GLDC: variants seen among roughly 807,000 people sequenced by gnomAD.
GLDC encodes glycine dehydrogenase (decarboxylating), mitochondrial.
A neutral mutation model predicts 121.3 loss-of-function variants in GLDC; 104 were observed. That is an observed-to-expected ratio of 0.86 (90% CI 0.73 to 1.01). The LOEUF is 1.01. Ranked by LOEUF, GLDC falls within the 50% of genes least tolerant of loss-of-function variation. GLDC has a pLI of 0.00. For synonymous variants in GLDC, 546 were observed against 480.6 expected (o/e 1.14, Z -1.78); for missense variants, 1,429 against 1,306.6 (o/e 1.09, Z -1.44).
At chr9:6,637,334 G>A (rs751708770) in intron 2 of GLDC, among the ~76,000 whole-genome samples, 29 of 151,786 alleles carry the variant, frequency 1.9e-4, no homozygotes, top group Non-Finnish European at 4.0e-4. Flanking sequence ...GAACCCCGGA[G>A]GCAGAGGTTG....
intron 21 of GLDC, among the ~76,000 whole-genome samples, chr9:6,543,153 T>C (rs1470889942): frequency 6.6e-6 from 1 of 151,948 alleles, no homozygotes; most frequent in Non-Finnish European, 1.5e-5. Flanking sequence ...CAGACATCTG[T>C]AGTTCCAGCT....
Position 6,553,517 on chromosome 9 carries a change from T to TG in GLDC, c.2316-9_2316-8insC. ...GGGGCGAGATGTTTCTTCCTGTATT[T>TG]TTTTTAAGTGCAAATTCAGAAAATG... On this transcript the variant is annotated splice_polypyrimidine_tract_variant and intron_variant, in intron 19 of 24. Transcript: ENST00000321612. 6.2e-7 allele frequency: 1 copy of TG among 1,613,666 alleles called. No homozygotes were observed. The highest frequency in any genetic ancestry group is 8.5e-7 in the Non-Finnish European group (1 of 1,179,682).
At position 6,620,220 on chromosome 9, in the gene GLDC, T is replaced by C; in HGVS notation, c.434A>G (p.Gln145Arg). 1 of 1,613,700 alleles carries C rather than the reference T, an allele frequency of 6.2e-7. No individual in the cohort carries two copies. Among genetic ancestry groups the C allele is most frequent in the South Asian group, 1.1e-5 (1 of 91,062 alleles). ...GMGYYNCSVP[Q>R]TILRNLLENS... ...CTCCAGTAAGTTCCGCAAAATCGTC[T>C]GTGGCACTGAGCAGTTATAATAGCC... Residue 145 changes from glutamine (Q) to arginine (R), a missense_variant, in exon 3 of 25, where the codon CAG becomes CGG. Transcript: ENST00000321612.
At chr9:6,593,464 A>G (rs1818421119) in intron 9 of GLDC, among the ~76,000 whole-genome samples, 1 of 151,194 alleles carries the variant, frequency 6.6e-6, no homozygotes, top group African/African-American at 2.4e-5. Flanking sequence ...ACACCTGGCT[A>G]ATAATTTTTT....
chr9:6,622,585 C>G (rs897659160), intron 2 of GLDC, among the ~76,000 whole-genome samples: 7 of 152,246 alleles, frequency 4.6e-5, no homozygotes, highest in East Asian at 1.9e-4. Flanking sequence ...GTGATCTCGG[C>G]TCGCTACAAC....
rs566435024 is a variant in GLDC at position 6,622,939 on chromosome 9, G to A, written c.335-2620C>T. Reference sequence around the variant, plus strand: ...AGCACCTCTGCCTGGCCGCGACCCCGTCTGGGAGGTGAGGAACGTCTCCGC... The same window carrying A: ...AGCACCTCTGCCTGGCCGCGACCCCATCTGGGAGGTGAGGAACGTCTCCGC... On this transcript the variant is annotated intron_variant, in intron 2 of 24. Transcript: ENST00000321612. 118 of 203,698 alleles carry A rather than the reference G, an allele frequency of 5.8e-4. 1 individual carries two copies. Among genetic ancestry groups the A allele is most frequent in the Non-Finnish European group, 5.3e-4 (53 of 100,436 alleles). 12.6% of individuals were successfully genotyped at this position (203,698 alleles called of 1,614,324 possible).
In GLDC at chr9:6,536,171, C is replaced by G. The variant is rs1390157911; in HGVS notation, c.2731G>C (p.Glu911Gln). The change falls in exon 23 of 25, where the codon GAG becomes CAG. Residue 911 changes from glutamate (E) to glutamine (Q), a missense_variant. By Grantham distance (29) the Glu-to-Gln change is conservative. Coordinates refer to ENST00000321612, the MANE Select transcript of GLDC (RefSeq NM_000170.3). ...AATCTGTCCAGCTCTGCCTTGTCCT[C>G]CGACTCAGTGGGCTCCACCATGAGG... is the stretch of plus-strand genomic sequence containing the variant. ...GTLMVEPTES[E>Q]DKAELDRFCD... The G allele has an allele frequency of 1.2e-6, 2 of 1,614,018 alleles. No individual in the cohort carries two copies. Among genetic ancestry groups the G allele is most frequent in the African/African-American group, 2.7e-5 (2 of 74,946 alleles).
chr9:6,558,095 T>C, intron 17 of GLDC: 1 of 241,074 alleles, frequency 4.1e-6, no homozygotes, highest in Admixed American at 5.0e-5. Flanking sequence ...AACTTCTTCC[T>C]GGAGGTTGGG....
Position 6,582,761 on chromosome 9 carries a change from G to A in GLDC, c.1850+4380C>T, listed in dbSNP as rs565015202. 1.3e-3 allele frequency among the ~76,000 whole-genome samples: 198 copies of A among 151,470 alleles called. 1 individual carries two copies. Among genetic ancestry groups the A allele is most frequent in the Non-Finnish European group, 3.5e-4 (24 of 67,900 alleles). ...GGAGAATGGCGTGAACCCGGGAGGC[G>A]ATCGTTGCAGTGAGCCGATATCGCG... On this transcript the variant is annotated intron_variant, in intron 15 of 24. Coordinates refer to ENST00000321612, the MANE Select transcript of GLDC (RefSeq NM_000170.3).
intron 16 of GLDC, among the ~76,000 whole-genome samples, chr9:6,562,986 C>A (rs996691811): frequency 2.3e-4 from 35 of 152,326 alleles, no homozygotes; most frequent in Non-Finnish European, 4.7e-4. Flanking sequence ...AAGCACAGCA[C>A]CCAGCCCCTC....
At chr9:6,618,370 C>T (rs143145415) in intron 3 of GLDC, among the ~76,000 whole-genome samples, 158 of 152,234 alleles carry the variant, frequency 1.0e-3, no homozygotes, top group African/African-American at 3.6e-3. Flanking sequence ...TGCAATGCTG[C>T]GATCTTGGCT....
At chr9:6,622,559 G>A (rs1453073605) in intron 2 of GLDC, among the ~76,000 whole-genome samples, 5 of 152,150 alleles carry the variant, frequency 3.3e-5, no homozygotes, top group African/African-American at 1.2e-4. Context: ...TGGTGCCCAG[G>A]CTGGAGTGCA....
intron 15 of GLDC, among the ~76,000 whole-genome samples, chr9:6,578,240 C>T (rs1818110874): frequency 6.6e-6 from 1 of 151,854 alleles, no homozygotes; most frequent in Non-Finnish European, 1.5e-5. Flanking sequence ...CCACTTCAGC[C>T]TCCCAAGCAG....
At chr9:6,582,595 C>G (rs1326818885) in intron 15 of GLDC, among the ~76,000 whole-genome samples, 1 of 151,526 alleles carries the variant, frequency 6.6e-6, no homozygotes, top group Admixed American at 6.6e-5. Flanking sequence ...TTTGAGAGGC[C>G]GAGGCGGGTG....
chr9:6,618,777 C>T (rs1819016692), intron 3 of GLDC, among the ~76,000 whole-genome samples: 2 of 151,978 alleles, frequency 1.3e-5, no homozygotes, highest in Admixed American at 6.6e-5. Flanking sequence ...CACACACACA[C>T]ACCACACAAT....
intron 15 of GLDC, among the ~76,000 whole-genome samples, chr9:6,575,052 C>G (rs1047536132): frequency 6.6e-6 from 1 of 151,950 alleles, no homozygotes; most frequent in Non-Finnish European, 1.5e-5. Context: ...TCTCCCACTT[C>G]TTAGCCAGGT....
At chr9:6,537,313 C>G (rs1817149324) in intron 22 of GLDC, among the ~76,000 whole-genome samples, 1 of 152,180 alleles carries the variant, frequency 6.6e-6, no homozygotes, top group South Asian at 2.1e-4. Flanking sequence ...GCCACCACAC[C>G]AGGCCTATGA....
At chr9:6,591,563 C>T (rs1364687625) in intron 11 of GLDC, among the ~76,000 whole-genome samples, 1 of 152,244 alleles carries the variant, frequency 6.6e-6, no homozygotes, top group African/African-American at 2.4e-5. Flanking sequence ...TGTCTTGCAT[C>T]TTTGTAGTAG....
At chr9:6,549,381 T>G (rs1817462458) in intron 21 of GLDC, among the ~76,000 whole-genome samples, 2 of 150,120 alleles carry the variant, frequency 1.3e-5, no homozygotes. Context: ...GAGGAGGGAG[T>G]GGAGGCTGCA....
Sources: gnomAD v4.1 joint callset for allele counts (sites outside exome capture counted in the v4.1 genomes callset) on GRCh38, gnomAD v4.1.1 for gene constraint, MANE v1.5 for transcripts, NCBI Gene and HGNC (gene_info 2026-07-23, HGNC 2026-07-21) for gene names.